The following RTL4 variants were observed in gnomAD, a reference collection of about 807,000 sequenced individuals.
RTL4 encodes the protein retrotransposon Gag-like protein 4.
RTL4 carries 4 observed loss-of-function variants against 5.3 expected under a neutral mutation model. The observed-to-expected ratio is 0.75, with a 90% confidence interval of 0.37 to 1.72. The LOEUF is 1.72. Ranked by LOEUF, RTL4 falls within the 40% of genes most tolerant of loss-of-function variation. The pLI is 0.04. For missense variants in RTL4, 260 were observed against 227.1 expected (o/e 1.14, Z -0.93); for synonymous variants, 98 against 87.3 (o/e 1.12, Z -0.68).
chrX:112,220,343 C>G, the RTL4 span, among the ~76,000 whole-genome samples: 1 of 112,655 alleles, frequency 8.9e-6, no homozygotes, highest in African/African-American at 3.2e-5. Context: ...ACACTATTAA[C>G]TACCCAAGTA....
the RTL4 span, among the ~76,000 whole-genome samples, chrX:112,240,365 C>A: frequency 9.0e-6 from 1 of 111,595 alleles, no homozygotes; most frequent in Non-Finnish European, 1.9e-5. Flanking sequence ...TTACTGGAGT[C>A]TTGGAAGGAG....
the RTL4 span, among the ~76,000 whole-genome samples, chrX:112,098,214 G>T: frequency 2.7e-4 from 29 of 105,762 alleles, no homozygotes; most frequent in African/African-American, 4.9e-4. Context: ...GCAGTGTTTG[G>T]TTTTTTCTCC....
chrX:112,416,823 C>G, the RTL4 span, among the ~76,000 whole-genome samples: 1 of 111,792 alleles, frequency 8.9e-6, no homozygotes, highest in Non-Finnish European at 1.9e-5. Flanking sequence ...TAATCAGTAC[C>G]TGTGTTTTGT....
the RTL4 span, among the ~76,000 whole-genome samples, chrX:112,361,441 A>G: frequency 1.8e-5 from 2 of 111,166 alleles, no homozygotes; most frequent in Non-Finnish European, 3.8e-5. Context: ...GTTGGTTTTA[A>G]TCTCTAAAAA....
At chrX:112,131,824 G>A in the RTL4 span, among the ~76,000 whole-genome samples, 10 of 111,033 alleles carry the variant, frequency 9.0e-5, no homozygotes, top group Non-Finnish European at 1.9e-4. Context: ...AATAAATAGA[G>A]GGAATACAAA....
At chrX:112,321,429 G>A in the RTL4 span, among the ~76,000 whole-genome samples, 17 of 108,430 alleles carry the variant, frequency 1.6e-4, no homozygotes, top group Non-Finnish European at 3.8e-5. Context: ...CCAGCTACTC[G>A]GGAGGCTGAG....
chrX:112,429,810 G>T, the RTL4 span, among the ~76,000 whole-genome samples: 1 of 110,185 alleles, frequency 9.1e-6, no homozygotes, highest in Middle Eastern at 4.7e-3. Flanking sequence ...ATTTTACAGT[G>T]TATAGAATTC....
At chrX:112,141,187 CAG>C in the RTL4 span, among the ~76,000 whole-genome samples, 13 of 111,545 alleles carry the variant, frequency 1.2e-4, no homozygotes, top group East Asian at 3.7e-3. Flanking sequence ...TTATGGTAAA[CAG>C]TATTTCTATT....
chrX:112,087,132 G>A, the RTL4 span, among the ~76,000 whole-genome samples: 1 of 111,077 alleles, frequency 9.0e-6, no homozygotes, highest in East Asian at 2.8e-4. Flanking sequence ...GAGGTTAGAG[G>A]ATAGTGACAG....
At chrX:112,125,307 A>C in the RTL4 span, among the ~76,000 whole-genome samples, 2 of 111,562 alleles carry the variant, frequency 1.8e-5, no homozygotes, top group East Asian at 5.6e-4. Context: ...ATCTTTCTTT[A>C]CTTGAAGATG....
the RTL4 span, among the ~76,000 whole-genome samples, chrX:112,232,880 A>T: frequency 9.1e-6 from 1 of 110,446 alleles, no homozygotes; most frequent in Non-Finnish European, 1.9e-5. Context: ...TCTTGAGGGG[A>T]GCTGAGGTAA....
chrX:112,294,564 A>T, the RTL4 span, among the ~76,000 whole-genome samples: 5 of 111,492 alleles, frequency 4.5e-5, no homozygotes, highest in African/African-American at 1.6e-4. Flanking sequence ...ATGCTATTGC[A>T]CTCCAGCCTG....
At chrX:112,281,250 C>G in the RTL4 span, among the ~76,000 whole-genome samples, 4 of 111,588 alleles carry the variant, frequency 3.6e-5, no homozygotes, top group African/African-American at 1.3e-4. Flanking sequence ...ATTTGTCTTT[C>G]TGTGCATGGC....
At chrX:112,159,027 T>A in the RTL4 span, among the ~76,000 whole-genome samples, 4 of 112,108 alleles carry the variant, frequency 3.6e-5, no homozygotes, top group Non-Finnish European at 7.5e-5. Flanking sequence ...TAGAAAAAAA[T>A]TGCTATTTCA....
chrX:112,119,978 G>A, the RTL4 span, among the ~76,000 whole-genome samples: 4 of 112,097 alleles, frequency 3.6e-5, no homozygotes, highest in Non-Finnish European at 3.8e-5. Context: ...ATTATAATGA[G>A]TTAATGTAAC....
chrX:112,128,006 A>G, the RTL4 span, among the ~76,000 whole-genome samples: 1 of 111,942 alleles, frequency 8.9e-6, no homozygotes, highest in Non-Finnish European at 1.9e-5. Flanking sequence ...ATAGTCTACA[A>G]ATTCAATGTA....
At chrX:112,341,714 T>C in the RTL4 span, among the ~76,000 whole-genome samples, 69 of 111,885 alleles carry the variant, frequency 6.2e-4, no homozygotes, top group African/African-American at 2.1e-3. Flanking sequence ...CACGTTTATA[T>C]ACCAAATGGA....
the RTL4 span, among the ~76,000 whole-genome samples, chrX:112,166,355 T>C: frequency 8.9e-6 from 1 of 111,978 alleles, no homozygotes; most frequent in Non-Finnish European, 1.9e-5. Context: ...TTTTTGTATG[T>C]TGGTAACTAG....
At chrX:112,400,268 C>T in the RTL4 span, among the ~76,000 whole-genome samples, 32 of 111,474 alleles carry the variant, frequency 2.9e-4, no homozygotes, top group African/African-American at 9.7e-4. Context: ...TCTATTTTCC[C>T]GAATATTATC....
Sources: gnomAD v4.1 joint callset for allele counts (sites outside exome capture counted in the v4.1 genomes callset) on GRCh38, gnomAD v4.1.1 for gene constraint, MANE v1.5 for transcripts, NCBI Gene and HGNC (gene_info 2026-07-23, HGNC 2026-07-21) for gene names.